Variants in ALPK1 observed in about 807,000 individuals in gnomAD.
ALPK1 encodes the protein alpha-protein kinase 1.
In ALPK1, 110 loss-of-function variants were observed where a neutral mutation model predicts 120.6. The ratio of observed to expected loss-of-function variants is 0.91; its 90% CI spans 0.78 to 1.07. The LOEUF (loss-of-function observed/expected upper bound fraction) is 1.07. Ranked by LOEUF, ALPK1 falls within the 50% of genes least tolerant of loss-of-function variation. The pLI is 0.00. For synonymous variants in ALPK1, 582 were observed against 560.3 expected, an observed-to-expected ratio of 1.04 and a Z score of -0.55; for missense variants, 1,498 against 1,483.9, an observed-to-expected ratio of 1.01 and a Z score of -0.16.
intron 4 of ALPK1, among the ~76,000 whole-genome samples, chr4:112,389,448 C>T (rs1285496270): frequency 1.3e-5 from 2 of 152,222 alleles, no homozygotes; most frequent in Admixed American, 1.3e-4. Context: ...ACCTCTGGAT[C>T]TTGTCATGAT....
chr4:112,333,462 TTCTATC>T (rs1461842231), intron 2 of ALPK1, among the ~76,000 whole-genome samples: 2 of 152,214 alleles, frequency 1.3e-5, no homozygotes, highest in Non-Finnish European at 2.9e-5. Flanking sequence ...ATTCTAATAT[TTCTATC>T]TCTAAGTATC....
chr4:112,304,969 G>T (rs1240744360), intron 1 of ALPK1, among the ~76,000 whole-genome samples: 3 of 152,002 alleles, frequency 2.0e-5, no homozygotes, highest in Non-Finnish European at 4.4e-5. Context: ...TCTACATATG[G>T]CTAGCCAGTT....
chr4:112,346,275 A>G (rs1161796114), intron 2 of ALPK1, among the ~76,000 whole-genome samples: 1 of 152,194 alleles, frequency 6.6e-6, no homozygotes, highest in Non-Finnish European at 1.5e-5. Context: ...AAATCATGGG[A>G]CTTTGAGTTT....
chr4:112,404,685 A>G (rs768105750), intron 4 of ALPK1, among the ~76,000 whole-genome samples: 2 of 152,112 alleles, frequency 1.3e-5, no homozygotes, highest in African/African-American at 2.4e-5. Context: ...TTTCTGTGCA[A>G]TCTGGGCTTC....
intron 4 of ALPK1, 57 bp from the exon 5 acceptor site, chr4:112,411,770 G>A (rs1733477278): frequency 6.5e-7 from 1 of 1,527,038 alleles, no homozygotes. Flanking sequence ...GCTAAGCCTG[G>A]CCCTCAGCCT....
At chr4:112,409,275 A>G (rs1484558547) in intron 4 of ALPK1, among the ~76,000 whole-genome samples, 1 of 152,074 alleles carries the variant, frequency 6.6e-6, no homozygotes, top group Non-Finnish European at 1.5e-5. Flanking sequence ...TACCTCAAAG[A>G]CAGGGGCTGT....
At chr4:112,298,353 A>G (rs144984520) in intron 1 of ALPK1, among the ~76,000 whole-genome samples, 142 of 152,128 alleles carry the variant, frequency 9.3e-4, no homozygotes, top group South Asian at 8.3e-3. Flanking sequence ...TTTGGGGTAT[A>G]ATTTATGCAC....
intron 2 of ALPK1, among the ~76,000 whole-genome samples, chr4:112,333,799 G>A (rs976362429): frequency 1.3e-5 from 2 of 152,112 alleles, no homozygotes; most frequent in Non-Finnish European, 2.9e-5. Context: ...TCGTGTAGGT[G>A]TAACTTGGTT....
At chr4:112,365,819 A>G (rs1299655924) in intron 2 of ALPK1, among the ~76,000 whole-genome samples, 1 of 152,244 alleles carries the variant, frequency 6.6e-6, no homozygotes, top group African/African-American at 2.4e-5. Context: ...CTATAAGGCC[A>G]TAGTCACCAA....
At chr4:112,417,795 G>A (rs1034112688) in intron 5 of ALPK1, among the ~76,000 whole-genome samples, 3 of 152,136 alleles carry the variant, frequency 2.0e-5, no homozygotes, top group Non-Finnish European at 4.4e-5. Context: ...TGATAGTTAA[G>A]TATTTTTAAA....
In ALPK1 at chr4:112,431,488, T is replaced by C; in HGVS notation, c.1941T>C (p.Asp647=). Residue 647 remains aspartate, a synonymous_variant, in exon 11 of 16, where the codon GAT becomes GAC. Transcript: ENST00000650871. ...AMHSLHSQLH[D]LSLQEPNNDN... ...ATTCATTGCATTCACAGCTTCATGA[T>C]CTCTCTCTTCAGGAACCCAACAATG... 6.2e-7 allele frequency: 1 copy of C among 1,614,060 alleles called. No homozygotes were observed. Among genetic ancestry groups the C allele is most frequent in the Non-Finnish European group, 8.5e-7 (1 of 1,179,958 alleles).
intron 12 of ALPK1, 96 bp downstream of exon 12, chr4:112,435,397 A>G: frequency 8.6e-7 from 1 of 1,165,008 alleles, no homozygotes; most frequent in Non-Finnish European, 1.2e-6. Context: ...GGGCTGAAAA[A>G]CTTGGCCAAA....
chr4:112,301,679 T>C (rs376246582), intron 1 of ALPK1, among the ~76,000 whole-genome samples: 2 of 152,196 alleles, frequency 1.3e-5, no homozygotes, highest in Non-Finnish European at 2.9e-5. Context: ...AGAAATCCTC[T>C]GGGGCATTTG....
intron 4 of ALPK1, among the ~76,000 whole-genome samples, chr4:112,400,637 T>A (rs1732865810): frequency 6.6e-6 from 1 of 152,198 alleles, no homozygotes; most frequent in Admixed American, 6.5e-5. Flanking sequence ...ATTTTGGAAT[T>A]TGGGATGCCA....
chr4:112,306,606 C>A (rs1258117295), intron 1 of ALPK1, among the ~76,000 whole-genome samples: 1 of 151,960 alleles, frequency 6.6e-6, no homozygotes, highest in African/African-American at 2.4e-5. Context: ...TCCCCTTTAT[C>A]ATTTTTTATT....
intron 3 of ALPK1, among the ~76,000 whole-genome samples, chr4:112,378,530 A>T (rs1731766006): frequency 1.3e-5 from 2 of 151,738 alleles, no homozygotes; most frequent in African/African-American, 4.8e-5. Context: ...AAGTCTAGAA[A>T]GTTAAAGCAA....
At chr4:112,405,537 C>G (rs1320488317) in intron 4 of ALPK1, among the ~76,000 whole-genome samples, 1 of 152,088 alleles carries the variant, frequency 6.6e-6, no homozygotes, top group Non-Finnish European at 1.5e-5. Flanking sequence ...TGTTTGGACT[C>G]AACAGTGACT....
At chr4:112,325,949 G>A (rs1729097443) in intron 2 of ALPK1, among the ~76,000 whole-genome samples, 1 of 152,176 alleles carries the variant, frequency 6.6e-6, no homozygotes, top group South Asian at 2.1e-4. Flanking sequence ...GGCTGTGTGA[G>A]CGAGCAGTGC....
At chr4:112,342,609 A>G (rs549975864) in intron 2 of ALPK1, among the ~76,000 whole-genome samples, 4 of 152,356 alleles carry the variant, frequency 2.6e-5, no homozygotes, top group African/African-American at 9.6e-5. Flanking sequence ...CTGAATTTTC[A>G]AAAGCTAGTA....
Sources: gnomAD v4.1 joint callset for allele counts (sites outside exome capture counted in the v4.1 genomes callset) on GRCh38, gnomAD v4.1.1 for gene constraint, MANE v1.5 for transcripts, NCBI Gene and HGNC (gene_info 2026-07-23, HGNC 2026-07-21) for gene names.